ADGRV1: variants seen among roughly 807,000 people sequenced by gnomAD.
The protein encoded by ADGRV1 is G-protein coupled receptor 98.
In ADGRV1, 359 loss-of-function variants were observed where a neutral mutation model predicts 596.2. The ratio of observed to expected loss-of-function variants is 0.60; its 90% CI spans 0.55 to 0.66. The LOEUF is 0.66. ADGRV1 is among the 30% of genes least tolerant of loss of function. ADGRV1 has a pLI of 0.00. For synonymous variants in ADGRV1, 2,681 were observed against 2,679.2 expected, an observed-to-expected ratio of 1.00 and a Z score of -0.02; for missense variants, 7,274 against 7,575.6, an observed-to-expected ratio of 0.96 and a Z score of 1.48.
At chr5:91,087,372 C>A (rs1789973597) in intron 86 of ADGRV1, among the ~76,000 whole-genome samples, 1 of 152,148 alleles carries the variant, frequency 6.6e-6, no homozygotes, top group Non-Finnish European at 1.5e-5. Flanking sequence ...TCTTGGCTCA[C>A]TGCAACCTCC....
intron 1 of ADGRV1, among the ~76,000 whole-genome samples, chr5:90,574,905 T>C (rs1225530013): frequency 6.6e-6 from 1 of 152,230 alleles, no homozygotes; most frequent in African/African-American, 2.4e-5. Flanking sequence ...CTGAGGATTT[T>C]TTATATTTCT....
intron 59 of ADGRV1, among the ~76,000 whole-genome samples, chr5:90,767,805 C>G (rs1482034143): frequency 6.6e-6 from 1 of 152,120 alleles, no homozygotes; most frequent in Non-Finnish European, 1.5e-5. Flanking sequence ...TGCCCTCTGG[C>G]AGTCTATTTG....
intron 84 of ADGRV1, among the ~76,000 whole-genome samples, chr5:90,967,293 C>G (rs1778558826): frequency 6.6e-6 from 1 of 152,144 alleles, no homozygotes; most frequent in Non-Finnish European, 1.5e-5. Context: ...TAATTCCTAA[C>G]TCATAGAATT....
intron 50 of ADGRV1, among the ~76,000 whole-genome samples, chr5:90,737,740 A>G (rs1243052109): frequency 6.6e-6 from 1 of 151,968 alleles, no homozygotes; most frequent in Non-Finnish European, 1.5e-5. Context: ...TGATATAAGT[A>G]TATCTACCCT....
intron 6 of ADGRV1, chr5:90,626,180 T>C (rs973932300): frequency 6.6e-5 from 10 of 151,798 alleles, no homozygotes; most frequent in African/African-American, 2.4e-4. Context: ...TGAAACTAAA[T>C]CACAAGAAAA....
chr5:90,855,450 A>G (rs1766934824), intron 81 of ADGRV1, among the ~76,000 whole-genome samples: 1 of 152,110 alleles, frequency 6.6e-6, no homozygotes, highest in South Asian at 2.1e-4. Context: ...TAGGTTTGCT[A>G]GATTAGGTAG....
In ADGRV1 at chr5:90,627,227, A is replaced by C; in HGVS notation, c.689A>C (p.Glu230Ala). ...CTTTAACAGGTACCAGAAAATGATG[A>C]AATATTTTTAATTCAACTGAAAAGT... is the stretch of plus-strand genomic sequence containing the variant. ...VLDDEVPEND[E>A]IFLIQLKSVE... Residue 230 changes from glutamate to alanine, a missense_variant, in exon 7 of 90, where the codon GAA becomes GCA. Transcript: ENST00000405460. 6.5e-7 allele frequency: 1 copy of C among 1,534,530 alleles called. No homozygotes were observed. Among genetic ancestry groups the C allele is most frequent in the Non-Finnish European group, 8.8e-7 (1 of 1,142,136 alleles).
At chr5:90,671,169 A>G (rs990010312) in intron 21 of ADGRV1, among the ~76,000 whole-genome samples, 13 of 152,208 alleles carry the variant, frequency 8.5e-5, no homozygotes, top group African/African-American at 3.1e-4. Flanking sequence ...AATGGCTGGT[A>G]TCTGTTTCTG....
chr5:90,723,651 A>T (rs1297226519), intron 45 of ADGRV1, among the ~76,000 whole-genome samples: 2 of 152,236 alleles, frequency 1.3e-5, no homozygotes, highest in African/African-American at 2.4e-5. Context: ...ATAAAAATTT[A>T]AAATGCTGGA....
At chr5:90,870,330 G>A (rs1581379855) in intron 83 of ADGRV1, among the ~76,000 whole-genome samples, 2 of 152,188 alleles carry the variant, frequency 1.3e-5, no homozygotes, top group East Asian at 3.9e-4. Context: ...GAGACTAAGA[G>A]ATATTCAGTT....
intron 83 of ADGRV1, among the ~76,000 whole-genome samples, chr5:90,959,083 C>A (rs1431127608): frequency 6.6e-6 from 1 of 151,948 alleles, no homozygotes; most frequent in Non-Finnish European, 1.5e-5. Flanking sequence ...ATGACATGAT[C>A]CTATATTTAA....
intron 85 of ADGRV1, among the ~76,000 whole-genome samples, chr5:91,049,502 T>A (rs1413491548): frequency 1.3e-5 from 2 of 152,222 alleles, no homozygotes; most frequent in East Asian, 3.8e-4. Flanking sequence ...CCATTTGGAA[T>A]AAATGATTAA....
chr5:90,753,721 G>A lies in ADGRV1; in HGVS notation c.11269G>A (p.Asp3757Asn), dbSNP rs1457229919. ...GGACTCATACAAAGGTGCTACTATT[G>A]ATCAGGACAGAAGCAAGTCTGTTAT... Reference protein sequence around the residue: ...VEDSYKGATIDQDRSKSVITT... With the variant: ...VEDSYKGATINQDRSKSVITT... The change falls in exon 54 of 90, where the codon GAT becomes AAT. Residue 3757 changes from aspartate to asparagine, a missense_variant. Physicochemically the swap from Asp to Asn is conservative, Grantham distance 23 (BLOSUM62 1). Coordinates refer to ENST00000405460, the MANE Select transcript of ADGRV1 (RefSeq NM_032119.4). 2 of 1,613,580 alleles carry A rather than the reference G, an allele frequency of 1.2e-6. No homozygotes were observed. Among genetic ancestry groups the A allele is most frequent in the Non-Finnish European group, 8.5e-7 (1 of 1,179,660 alleles).
intron 85 of ADGRV1, among the ~76,000 whole-genome samples, chr5:91,007,203 C>G (rs1198272415): frequency 6.6e-6 from 1 of 152,200 alleles, no homozygotes; most frequent in Non-Finnish European, 1.5e-5. Flanking sequence ...CACTCCTGAC[C>G]CTGGAAGGGG....
At chr5:90,856,942 C>G (rs920981335) in intron 82 of ADGRV1, among the ~76,000 whole-genome samples, 1 of 152,076 alleles carries the variant, frequency 6.6e-6, no homozygotes, top group African/African-American at 2.4e-5. Context: ...CAAACAGTCT[C>G]TCTAATAGTC....
At chr5:90,625,055 T>C in intron 5 of ADGRV1, 75 bp from the exon 6 acceptor site, 1 of 836,020 alleles carries the variant, frequency 1.2e-6, no homozygotes, top group Admixed American at 2.2e-5. Context: ...TTTTGTCAGC[T>C]GACATCACAA....
intron 87 of ADGRV1, among the ~76,000 whole-genome samples, chr5:91,132,339 C>T (rs888337287): frequency 1.3e-5 from 2 of 152,112 alleles, no homozygotes; most frequent in African/African-American, 4.8e-5. Flanking sequence ...TTATCCTCAT[C>T]ACTAATACAT....
At chr5:90,945,803 CCT>C (rs1222500729) in intron 83 of ADGRV1, among the ~76,000 whole-genome samples, 2 of 151,982 alleles carry the variant, frequency 1.3e-5, no homozygotes, top group African/African-American at 4.8e-5. Flanking sequence ...ATGGCGAAAC[CCT>C]GTCTCTACAA....
chr5:90,813,198 TAATA>T (rs1387439373), intron 74 of ADGRV1, among the ~76,000 whole-genome samples: 2 of 122,368 alleles, frequency 1.6e-5, no homozygotes, highest in African/African-American at 5.6e-5. Flanking sequence ...CTTCTCATTC[TAATA>T]GAGACACAGA....
Sources: allele counts gnomAD v4.1 joint callset (sites outside exome capture counted in the v4.1 genomes callset), GRCh38; gene constraint gnomAD v4.1.1; transcripts MANE v1.5; gene names NCBI Gene and HGNC (gene_info 2026-07-23, HGNC 2026-07-21).